The following MARK3 variants were observed in gnomAD, a reference collection of about 807,000 sequenced individuals.
MARK3 encodes MAP/microtubule affinity-regulating kinase 3.
MARK3 carries 46 observed loss-of-function variants against 90.1 expected under a neutral mutation model. The observed-to-expected ratio is 0.51, with a 90% confidence interval of 0.40 to 0.65. MARK3 has a LOEUF of 0.65. Ranked by LOEUF, MARK3 falls within the 30% of genes least tolerant of loss-of-function variation. The probability of loss-of-function intolerance (pLI) is 0.00; values close to 1 mark genes in which losing one functional copy is unlikely to be tolerated. For missense variants in MARK3, 818 were observed against 947.2 expected (o/e 0.86, Z 1.79); for synonymous variants, 321 against 332.6 (o/e 0.97, Z 0.38).
chr14:103,408,298 C>T (rs990111121), intron 2 of MARK3, among the ~76,000 whole-genome samples: 4 of 152,184 alleles, frequency 2.6e-5, no homozygotes, highest in African/African-American at 4.8e-5. Flanking sequence ...AGCGATTCTC[C>T]TGCCTTAGCC....
chr14:103,472,072 G>T (rs1268187079), intron 12 of MARK3, among the ~76,000 whole-genome samples: 1 of 151,616 alleles, frequency 6.6e-6, no homozygotes, highest in African/African-American at 2.4e-5. Context: ...TTAGCCAGGC[G>T]TGGTGGTGGG....
rs894317776 is a variant in MARK3, at chr14:103,467,142, A to G, written c.1061A>G (p.Tyr354Cys). ...EIQESLSKMK[Y>C]DEITATYLLL... Reference sequence around the variant, plus strand: ...CAAGAATCTCTTAGTAAGATGAAATACGATGAAATCACAGCTACATATTTG... The same window carrying G: ...CAAGAATCTCTTAGTAAGATGAAATGCGATGAAATCACAGCTACATATTTG... Residue 354 changes from tyrosine to cysteine, a missense_variant, in exon 11 of 18, where the codon TAC becomes TGC. By Grantham distance (194) the Tyr-to-Cys change is radical (BLOSUM62 -2). This residue lies in a region of MARK3 where 560 missense variants were observed against 613.5 expected (regional missense o/e 0.91). Transcript: ENST00000429436. The G allele has an allele frequency of 1.2e-6, 2 of 1,604,528 alleles. No individual in the cohort carries two copies. Among genetic ancestry groups the G allele is most frequent in the African/African-American group, 1.3e-5 (1 of 74,808 alleles).
chr14:103,439,966 G>A (rs941840425), intron 3 of MARK3, among the ~76,000 whole-genome samples: 1 of 151,660 alleles, frequency 6.6e-6, no homozygotes, highest in Non-Finnish European at 1.5e-5. Flanking sequence ...TGTGTTTTTA[G>A]TAGAGACGGG....
chr14:103,389,528 C>CAAAAAAAAAAAAAAAAAAAAA (rs67737305), intron 1 of MARK3, among the ~76,000 whole-genome samples: 3 of 49,852 alleles, frequency 6.0e-5, no homozygotes, highest in African/African-American at 2.5e-4. Flanking sequence ...ACTCTGTCTC[C>CAAAAAAAAAAAAAAAAAAAAA]AAAAAAAAAA....
At chr14:103,438,793 GACCA>G (rs903185567) in intron 3 of MARK3, among the ~76,000 whole-genome samples, 2 of 152,092 alleles carry the variant, frequency 1.3e-5, no homozygotes, top group Non-Finnish European at 2.9e-5. Flanking sequence ...AGGAGTTCAA[GACCA>G]GCCTGGGCAA....
chr14:103,460,246 C>T (rs1009472950), intron 6 of MARK3, among the ~76,000 whole-genome samples: 8 of 151,776 alleles, frequency 5.3e-5, no homozygotes, highest in Admixed American at 1.3e-4. Context: ...CCACTACGCC[C>T]GGCTAATTTT....
intron 3 of MARK3, among the ~76,000 whole-genome samples, chr14:103,433,667 G>A (rs1284903897): frequency 7.9e-5 from 12 of 151,962 alleles, no homozygotes; most frequent in African/African-American, 2.4e-4. Context: ...CCTGGGTGAC[G>A]GTGAGACTCT....
intron 17 of MARK3, among the ~76,000 whole-genome samples, chr14:103,500,911 C>T (rs756951595): frequency 2.0e-4 from 30 of 152,168 alleles, no homozygotes; most frequent in Non-Finnish European, 4.0e-4. Context: ...CATGAGCCCC[C>T]GCACCCAGCC....
chr14:103,412,232 T>G, intron 2 of MARK3: 1 of 798,040 alleles, frequency 1.3e-6, no homozygotes, highest in Admixed American at 2.1e-5. Flanking sequence ...GTGAATGTTA[T>G]GCACAAGCTC....
intron 13 of MARK3, among the ~76,000 whole-genome samples, chr14:103,477,166 CTCTA>C (rs1438103272): frequency 2.6e-5 from 4 of 152,130 alleles, no homozygotes; most frequent in Non-Finnish European, 5.9e-5. Flanking sequence ...AAAGTGACTG[CTCTA>C]TCTTTGTTTA....
At chr14:103,433,795 A>G (rs1400848444) in intron 3 of MARK3, among the ~76,000 whole-genome samples, 2 of 152,152 alleles carry the variant, frequency 1.3e-5, no homozygotes, top group Non-Finnish European at 2.9e-5. Context: ...GGAATGTGGA[A>G]TCTTAGCAGG....
chr14:103,426,226 GT>G (rs1277806338), intron 2 of MARK3, among the ~76,000 whole-genome samples: 2 of 148,314 alleles, frequency 1.3e-5, no homozygotes, highest in African/African-American at 5.0e-5. Context: ...TATTATTTGT[GT>G]TATAATGTGC....
chr14:103,471,047 G>C (rs2093617495), intron 12 of MARK3, among the ~76,000 whole-genome samples: 2 of 152,144 alleles, frequency 1.3e-5, no homozygotes, highest in Admixed American at 1.3e-4. Flanking sequence ...TGTGCTCCTA[G>C]CATTTGTAGG....
chr14:103,499,963 G>A, intron 16 of MARK3, 193 bp from the exon 17 acceptor site: 4 of 610,796 alleles, frequency 6.5e-6, no homozygotes, highest in South Asian at 1.8e-5. Flanking sequence ...CACCCCTGCA[G>A]CCTTGTGGAA....
At chr14:103,436,847 T>C (rs2092727926) in intron 3 of MARK3, among the ~76,000 whole-genome samples, 1 of 152,198 alleles carries the variant, frequency 6.6e-6, no homozygotes. Context: ...CCCAGCACTT[T>C]GGGAGGCCCA....
intron 8 of MARK3, 74 bp downstream of exon 8, chr14:103,465,867 A>G (rs1019701703): frequency 1.3e-6 from 2 of 1,546,088 alleles, no homozygotes; most frequent in African/African-American, 2.8e-5. Flanking sequence ...TAATATTTTT[A>G]ACATTATATC....
chr14:103,485,222 C>G (rs1256350445), intron 14 of MARK3, among the ~76,000 whole-genome samples: 1 of 141,502 alleles, frequency 7.1e-6, no homozygotes, highest in Non-Finnish European at 1.5e-5. Flanking sequence ...AAGAGCAAAA[C>G]CCCATCTCAA....
intron 2 of MARK3, among the ~76,000 whole-genome samples, chr14:103,410,171 A>G (rs1424529925): frequency 6.6e-6 from 1 of 152,236 alleles, no homozygotes; most frequent in African/African-American, 2.4e-5. Context: ...TATAAAGATA[A>G]GAAATTTATT....
chr14:103,397,799 C>G (rs1451163037), intron 1 of MARK3, among the ~76,000 whole-genome samples: 1 of 152,068 alleles, frequency 6.6e-6, no homozygotes, highest in East Asian at 1.9e-4. Context: ...AACAGTTCCC[C>G]CTTCCTATTC....
Sources: allele counts gnomAD v4.1 joint callset (sites outside exome capture counted in the v4.1 genomes callset), GRCh38; gene constraint gnomAD v4.1.1; regional missense constraint gnomAD v4.1.1; transcripts MANE v1.5; gene names NCBI Gene and HGNC (gene_info 2026-07-23, HGNC 2026-07-21).